The following CLTRN variants were observed in gnomAD, a reference collection of about 807,000 sequenced individuals.
CLTRN encodes the protein collectrin.
A neutral mutation model predicts 14.5 loss-of-function variants in CLTRN; 12 were observed. The ratio of observed to expected loss-of-function variants is 0.83; its 90% confidence interval spans 0.53 to 1.34. CLTRN has a LOEUF of 1.34. Ranked by LOEUF, CLTRN falls within the 40% of genes most tolerant of loss-of-function variation. CLTRN has a pLI of 0.00. For missense variants in CLTRN, 154 were observed against 165.1 expected, an observed-to-expected ratio of 0.93 and a Z score of 0.37; for synonymous variants, 58 against 56.5, an observed-to-expected ratio of 1.03 and a Z score of -0.12.
chrX:15,639,721 A>T lies in CLTRN; in HGVS notation c.353T>A (p.Leu118Gln), dbSNP rs764422536. 8.3e-7 allele frequency: 1 copy of T among 1,208,185 alleles called. No homozygotes were observed. Among genetic ancestry groups the T allele is most frequent in the East Asian group, 3.0e-5 (1 of 33,762 alleles). The change falls in exon 5 of 6, where the codon CTA becomes CAA. Residue 118 changes from leucine to glutamine, a missense_variant. By Grantham distance (113) the Leu-to-Gln change is moderately radical (BLOSUM62 -2). Transcript: ENST00000380342. ...NKNRINNAFF[L>Q]NDQTLEFLKI... is the part of the protein sequence containing the mutation. ...TAAAAATTCCAGAGTTTGGTCATTTAGAAAGAAGGCATTGTTGATCCGGTT... is the reference window on the plus strand; with the variant it reads ...TAAAAATTCCAGAGTTTGGTCATTTTGAAAGAAGGCATTGTTGATCCGGTT...
At chrX:15,639,854 T>G in intron 4 of CLTRN, 98 bp from the exon 5 acceptor site, 4 of 841,132 alleles carry the variant, frequency 4.8e-6, no homozygotes, top group Middle Eastern at 3.5e-4. Context: ...TAAATATCTC[T>G]ATAAACAAAG....
intron 3 of CLTRN, chrX:15,646,377 G>C: frequency 7.2e-6 from 2 of 276,718 alleles, no homozygotes; most frequent in Non-Finnish European, 7.2e-6. Context: ...GTGTCTACTG[G>C]AAGGCCCAAC....
chrX:15,665,285 G>A (rs773980610), upstream of CLTRN, among the ~76,000 whole-genome samples: 36 of 112,108 alleles, frequency 3.2e-4, no homozygotes, highest in Non-Finnish European at 6.0e-4. Context: ...CACAGCGGGT[G>A]AACATCCCAG....
intron 5 of CLTRN, among the ~76,000 whole-genome samples, chrX:15,630,363 AGAAGGAAGGAAGGAAG>A (rs67681066): frequency 4.9e-4 from 27 of 54,661 alleles, no homozygotes; most frequent in Middle Eastern, 8.0e-3. Flanking sequence ...ACCACAAGAA[AGAAGGAAGGAAGGAAG>A]GAAGGAAGGA....
intron 4 of CLTRN, among the ~76,000 whole-genome samples, chrX:15,640,628 AC>A (rs1469247690): frequency 8.9e-6 from 1 of 112,922 alleles, no homozygotes; most frequent in Admixed American, 9.3e-5. Flanking sequence ...AAGTAAAATT[AC>A]ATGTAAAATA....
chrX:15,669,299 T>C (rs1929675237), upstream of CLTRN, among the ~76,000 whole-genome samples: 1 of 112,419 alleles, frequency 8.9e-6, no homozygotes. Flanking sequence ...TATAAATTGC[T>C]TCATAAAATG....
intron 1 of CLTRN, among the ~76,000 whole-genome samples, chrX:15,671,880 ACAC>A (rs551967616): frequency 0.15 from 12,037 of 80,881 alleles, 519 homozygotes; most frequent in Admixed American, 0.19. Flanking sequence ...ACACACACAC[ACAC>A]AATTTCCAGT....
At chrX:15,671,049 A>C (rs751796940) in intron 1 of CLTRN, among the ~76,000 whole-genome samples, 1 of 110,931 alleles carries the variant, frequency 9.0e-6, no homozygotes, top group South Asian at 3.8e-4. Context: ...AAATTAGTCA[A>C]CTCAGTTTTC....
chrX:15,655,544 C>G (rs930061619), intron 3 of CLTRN, among the ~76,000 whole-genome samples: 4 of 112,304 alleles, frequency 3.6e-5, no homozygotes, highest in Admixed American at 1.9e-4. Flanking sequence ...GGCAGTAACT[C>G]TATCCTGTTC....
At chrX:15,655,018 C>T (rs1464654660) in intron 3 of CLTRN, among the ~76,000 whole-genome samples, 1 of 112,345 alleles carries the variant, frequency 8.9e-6, no homozygotes, top group Non-Finnish European at 1.9e-5. Flanking sequence ...TTTCCTGTCA[C>T]TTCCGGCTGC....
intron 5 of CLTRN, among the ~76,000 whole-genome samples, chrX:15,630,001 G>C (rs770128595): frequency 9.0e-6 from 1 of 111,371 alleles, no homozygotes; most frequent in South Asian, 3.8e-4. Context: ...CAGCTGACCT[G>C]GACTCAGCAC....
chrX:15,664,802 A>C lies in CLTRN; in HGVS notation c.-27T>G. 8.5e-7 allele frequency: 1 copy of C among 1,171,956 alleles called. No individual in the cohort carries two copies. The highest frequency in any genetic ancestry group is 1.2e-6 in the Non-Finnish European group (1 of 862,789). On this transcript the variant is annotated 5_prime_UTR_variant, in exon 1 of 6. Coordinates refer to ENST00000380342, the MANE Select transcript of CLTRN (RefSeq NM_020665.6). Reference sequence around the variant, plus strand: ...CTTTCAGGGTGGAAAACACAAGGCAAAGTGAGAAAAAAAAAATCCACGCTG... The same window carrying C: ...CTTTCAGGGTGGAAAACACAAGGCACAGTGAGAAAAAAAAAATCCACGCTG...
intron 3 of CLTRN, among the ~76,000 whole-genome samples, chrX:15,656,004 G>A (rs1408115156): frequency 9.0e-6 from 1 of 111,516 alleles, no homozygotes; most frequent in African/African-American, 3.3e-5. Context: ...GGCCGCACTG[G>A]GGAATCTGCA....
At chrX:15,636,697 T>A (rs1426348967) in intron 5 of CLTRN, among the ~76,000 whole-genome samples, 1 of 111,700 alleles carries the variant, frequency 9.0e-6, no homozygotes, top group African/African-American at 3.2e-5. Context: ...GGAAAAGAGA[T>A]CCTTTCCCAG....
upstream of CLTRN, among the ~76,000 whole-genome samples, chrX:15,668,101 C>CA (rs200557037): frequency 4.6e-3 from 513 of 110,895 alleles, 3 homozygotes; most frequent in African/African-American, 0.016. Context: ...TATAGAGAAG[C>CA]AAAAAAAAGT....
intron 5 of CLTRN, among the ~76,000 whole-genome samples, chrX:15,634,269 T>C (rs1928765206): frequency 8.9e-6 from 1 of 111,881 alleles, no homozygotes; most frequent in African/African-American, 3.2e-5. Flanking sequence ...AGATATATTC[T>C]CTGATTTTGT....
chrX:15,651,511 T>C (rs1394668567), intron 3 of CLTRN, among the ~76,000 whole-genome samples: 3 of 111,593 alleles, frequency 2.7e-5, no homozygotes, highest in African/African-American at 9.8e-5. Flanking sequence ...ACATGGCTTG[T>C]CTGCATTCTT....
At chrX:15,646,465 C>CT in intron 3 of CLTRN, 1 of 251,953 alleles carries the variant, frequency 4.0e-6, no homozygotes, top group South Asian at 3.8e-5. Flanking sequence ...CGCACCCACC[C>CT]CCCCGCCCGA....
intron 3 of CLTRN, among the ~76,000 whole-genome samples, chrX:15,653,488 C>T (rs1381529709): frequency 9.0e-6 from 1 of 111,096 alleles, no homozygotes; most frequent in Non-Finnish European, 1.9e-5. Flanking sequence ...CTCTTCCTCA[C>T]CATCACCTTC....
Sources: gnomAD v4.1 joint callset for allele counts (sites outside exome capture counted in the v4.1 genomes callset) on GRCh38, gnomAD v4.1.1 for gene constraint, MANE v1.5 for transcripts, NCBI Gene and HGNC (gene_info 2026-07-23, HGNC 2026-07-21) for gene names.